Variants in CLYBL observed in about 807,000 individuals in gnomAD.
CLYBL encodes the protein citramalyl-CoA lyase, mitochondrial.
Under a neutral mutation model 38.9 loss-of-function variants are expected in CLYBL, and 31 were observed. That is an observed-to-expected ratio of 0.80 (90% CI 0.60 to 1.08). CLYBL has a LOEUF of 1.08. CLYBL is among the 50% of genes least tolerant of loss of function. The pLI is 0.00. For missense variants in CLYBL, 434 were observed against 411.6 expected, an observed-to-expected ratio of 1.05 and a Z score of -0.47; for synonymous variants, 171 against 158.6, an observed-to-expected ratio of 1.08 and a Z score of -0.59.
In CLYBL at chr13:99,622,466, T is replaced by G. The variant is rs562970565; in HGVS notation, c.62+15709T>G. 1.3e-4 allele frequency among the ~76,000 whole-genome samples: 20 copies of G among 152,306 alleles called. No homozygotes were observed. The South Asian group carries it at 4.1e-3, about 32-fold the overall frequency. On this transcript the variant is annotated intron_variant, in intron 1 of 8. Transcript: ENST00000339105. The stretch of plus-strand genomic sequence containing the variant: ...TCTAGACCTGTTGGTTCCAAAAACA[T>G]CTCTTGGATCTGTCCTTTTCTTTTT...
At chr13:99,728,905 G>A (rs530801634) in intron 1 of CLYBL, among the ~76,000 whole-genome samples, 6 of 152,278 alleles carry the variant, frequency 3.9e-5, no homozygotes, top group Non-Finnish European at 7.4e-5. Flanking sequence ...ATATAAACTG[G>A]GTCCTTCCTT....
intron 1 of CLYBL, among the ~76,000 whole-genome samples, chr13:99,754,553 G>A (rs1040029545): frequency 1.3e-5 from 2 of 151,170 alleles, no homozygotes; most frequent in African/African-American, 4.9e-5. Context: ...ACACCACTAT[G>A]CCCAGCTCTT....
At chr13:99,841,680 G>A (rs2051082177) in intron 2 of CLYBL, among the ~76,000 whole-genome samples, 2 of 152,204 alleles carry the variant, frequency 1.3e-5, no homozygotes, top group Admixed American at 6.5e-5. Flanking sequence ...CATCACAGGC[G>A]TGAGCCACTG....
At chr13:99,768,192 C>CTTTTTTTTT (rs58499426) in intron 1 of CLYBL, among the ~76,000 whole-genome samples, 59 of 102,666 alleles carry the variant, frequency 5.7e-4, no homozygotes, top group East Asian at 1.2e-3. Context: ...TTTTCTTTTT[C>CTTTTTTTTT]TTTTTTTTTT....
At chr13:99,790,915 T>A (rs2049902456) in intron 2 of CLYBL, among the ~76,000 whole-genome samples, 1 of 152,212 alleles carries the variant, frequency 6.6e-6, no homozygotes, top group Non-Finnish European at 1.5e-5. Context: ...TATCCGCCAA[T>A]GGCTCCTGAG....
At chr13:99,790,639 G>T (rs1183651301) in intron 2 of CLYBL, among the ~76,000 whole-genome samples, 1 of 152,152 alleles carries the variant, frequency 6.6e-6, no homozygotes. Flanking sequence ...CCCACTTCAT[G>T]ACTAATTGTC....
chr13:99,651,693 AGGGAGAGGTGGGT>A (rs1435003131), intron 1 of CLYBL, among the ~76,000 whole-genome samples: 1 of 152,098 alleles, frequency 6.6e-6, no homozygotes, highest in Non-Finnish European at 1.5e-5. Context: ...ACACTTTGGG[AGGGAGAGGTGGGT>A]GGATCATGAG....
At chr13:99,632,363 G>A (rs2046958058) in intron 1 of CLYBL, among the ~76,000 whole-genome samples, 1 of 152,244 alleles carries the variant, frequency 6.6e-6, no homozygotes, top group Admixed American at 6.5e-5. Context: ...TTAGCTGTCT[G>A]CTAGAACAAA....
At chr13:99,697,668 T>C (rs2048000466) in intron 1 of CLYBL, among the ~76,000 whole-genome samples, 1 of 149,918 alleles carries the variant, frequency 6.7e-6, no homozygotes, top group African/African-American at 2.5e-5. Flanking sequence ...TTTCTTTTTT[T>C]TTTTTTTTGA....
intron 2 of CLYBL, among the ~76,000 whole-genome samples, chr13:99,775,646 CT>C (rs1201069315): frequency 6.6e-6 from 1 of 152,066 alleles, no homozygotes; most frequent in African/African-American, 2.4e-5. Flanking sequence ...GCAGCTGGGA[CT>C]ATACGCACCT....
At chr13:99,632,897 A>T (rs2046965717) in intron 1 of CLYBL, among the ~76,000 whole-genome samples, 2 of 152,254 alleles carry the variant, frequency 1.3e-5, no homozygotes, top group South Asian at 4.1e-4. Flanking sequence ...CAAAGACTTA[A>T]TAAAAATGTA....
chr13:99,753,754 C>T (rs1331759197), intron 1 of CLYBL, among the ~76,000 whole-genome samples: 2 of 152,106 alleles, frequency 1.3e-5, no homozygotes, highest in Non-Finnish European at 2.9e-5. Context: ...TTATTTTCTG[C>T]ACTTAGTCAA....
At chr13:99,642,350 G>A (rs1054054391) in intron 1 of CLYBL, among the ~76,000 whole-genome samples, 1 of 152,130 alleles carries the variant, frequency 6.6e-6, no homozygotes, top group Non-Finnish European at 1.5e-5. Context: ...TGGGAATGTT[G>A]CTTGAATCCA....
chr13:99,857,037 G>A (rs1266726822), intron 2 of CLYBL, among the ~76,000 whole-genome samples: 3 of 151,992 alleles, frequency 2.0e-5, no homozygotes, highest in East Asian at 1.9e-4. Context: ...ATTTAGGGCC[G>A]GGCACCGTGG....
At chr13:99,791,708 A>G (rs948020664) in intron 2 of CLYBL, among the ~76,000 whole-genome samples, 6 of 152,354 alleles carry the variant, frequency 3.9e-5, no homozygotes, top group African/African-American at 1.2e-4. Context: ...CCCAGCACAT[A>G]TAAGTGCTAT....
At chr13:99,616,001 TTTTTTTATTTTTA>T (rs1231587643) in intron 1 of CLYBL, among the ~76,000 whole-genome samples, 17 of 152,190 alleles carry the variant, frequency 1.1e-4, no homozygotes, top group African/African-American at 3.9e-4. Flanking sequence ...GCACAGCTAA[TTTTTTTATTTTTA>T]TTTTTTATTT....
intron 1 of CLYBL, among the ~76,000 whole-genome samples, chr13:99,748,445 T>G (rs184023579): frequency 0.29 from 34,154 of 119,008 alleles, 5,057 homozygotes; most frequent in South Asian, 0.39. Context: ...TTTTTTTTTT[T>G]TTTTTTTTTT....
intron 1 of CLYBL, among the ~76,000 whole-genome samples, chr13:99,614,646 G>A (rs2046680482): frequency 6.6e-6 from 1 of 152,158 alleles, no homozygotes; most frequent in Admixed American, 6.5e-5. Context: ...CTCTGGCTCT[G>A]TTGCAGCTGT....
chr13:99,738,301 ACAT>A (rs377670283), intron 1 of CLYBL, among the ~76,000 whole-genome samples: 29 of 152,350 alleles, frequency 1.9e-4, no homozygotes, highest in African/African-American at 6.5e-4. Context: ...ACTGATCAGA[ACAT>A]ATCTTTGGTT....
Sources: gnomAD v4.1 joint callset for allele counts (sites outside exome capture counted in the v4.1 genomes callset) on GRCh38, gnomAD v4.1.1 for gene constraint, MANE v1.5 for transcripts, NCBI Gene and HGNC (gene_info 2026-07-23, HGNC 2026-07-21) for gene names.